Variants in FANCA observed in about 807,000 individuals in gnomAD.
FANCA encodes FA complementation group A, also known as Fanconi anemia group A protein.
A neutral mutation model predicts 194.3 loss-of-function variants in FANCA; 236 were observed. That is an observed-to-expected ratio of 1.21 (90% confidence interval 1.09 to 1.35). The LOEUF (loss-of-function observed/expected upper bound fraction) is 1.35. Ranked by LOEUF, FANCA falls within the 40% of genes most tolerant of loss-of-function variation. FANCA has a pLI of 0.00. For synonymous variants in FANCA, 1,014 were observed against 715.8 expected (o/e 1.42, Z -6.65); for missense variants, 2,628 against 1,813.9 (o/e 1.45, Z -8.15).
intron 10 of FANCA, among the ~76,000 whole-genome samples, chr16:89,796,609 T>C (rs1434504363): frequency 6.6e-6 from 1 of 152,210 alleles, no homozygotes; most frequent in African/African-American, 2.4e-5. Context: ...ACTTGAGGTC[T>C]GTTAGCCTGC....
intron 6 of FANCA, among the ~76,000 whole-genome samples, chr16:89,806,825 C>T (rs952824906): frequency 4.6e-5 from 7 of 152,298 alleles, no homozygotes; most frequent in African/African-American, 7.2e-5. Context: ...TCCATAAAAC[C>T]GCCATTGTCA....
At position 89,740,055 on chromosome 16, in the gene FANCA, G is replaced by A. The variant is rs2062089414; in HGVS notation, c.3873C>T (p.Ile1291=). ...TCTTCCTCTTCTCTAAACACTCGAG[G>A]ATTGCTGCACAAACGTGGAAAGCCT... ...LPKAFHVCAA[I]LECLEKRKIS... The change falls in exon 39 of 43, where the codon ATC becomes ATT. Residue 1291 remains isoleucine, a synonymous_variant. Coordinates refer to ENST00000389301, the MANE Select transcript of FANCA (RefSeq NM_000135.4). 1 of 1,614,176 alleles carries A rather than the reference G, an allele frequency of 6.2e-7. No homozygotes were observed. Among genetic ancestry groups the A allele is most frequent in the Non-Finnish European group, 8.5e-7 (1 of 1,180,042 alleles).
In FANCA at chr16:89,762,139, T is replaced by C. The variant is rs1244702642; in HGVS notation, c.2779-117A>G. ...CGCAGTCCTCCATGTCCCTGTGTTA[T>C]AATGAAATTGCAGCTGAGAGTTCCA... On this transcript the variant is annotated intron_variant, in intron 28 of 42. Transcript: ENST00000389301. 115 of 819,586 alleles carry C rather than the reference T, an allele frequency of 1.4e-4. 2 individuals are homozygous for C. In the South Asian group the frequency reaches 1.5e-3, roughly 10 times the overall value. The allele number at this position is 819,586 out of a possible 1,614,324, so 50.8% of individuals were successfully genotyped here. A position where few individuals can be genotyped will look rare whatever the true frequency, so the allele number is the denominator to read the frequency against.
chr16:89,742,039 C>T (rs527567617), intron 37 of FANCA, among the ~76,000 whole-genome samples: 19 of 152,086 alleles, frequency 1.2e-4, no homozygotes, highest in African/African-American at 3.6e-4. Context: ...GATCTTGGCT[C>T]ACTGCAGCCT....
chr16:89,796,721 G>C (rs1044026576), intron 10 of FANCA, among the ~76,000 whole-genome samples: 1 of 152,130 alleles, frequency 6.6e-6, no homozygotes, highest in Admixed American at 6.5e-5. Flanking sequence ...CGATTCCCCA[G>C]GTAAGAAAAT....
Position 89,769,977 on chromosome 16 carries a change from G to A in FANCA, c.2364C>T (p.Ala788=), listed in dbSNP as rs149754397. 1.5e-4 allele frequency: 235 copies of A among 1,613,914 alleles called. No individual in the cohort carries two copies. In the African/African-American group the frequency reaches 2.1e-3, roughly 14 times the overall value. ...CAGACCTGGACTCACCCAGGTGCAC[G>A]GCCAGGGCAGCCAACCCCAGCACAT... ...APHVLGLAAL[A]VHLGESRSAL... The change falls in exon 26 of 43, where the codon GCC becomes GCT. Residue 788 remains alanine (A), a synonymous_variant. Coordinates refer to ENST00000389301, the MANE Select transcript of FANCA (RefSeq NM_000135.4).
At chr16:89,763,936 C>G (rs562030557) in intron 28 of FANCA, among the ~76,000 whole-genome samples, 6 of 131,098 alleles carry the variant, frequency 4.6e-5, no homozygotes, top group African/African-American at 1.8e-4. Context: ...AAAAACAAAA[C>G]AACAACAACA....
At chr16:89,815,800 A>T in intron 2 of FANCA, 77 bp downstream of exon 2, 1 of 1,180,446 alleles carries the variant, frequency 8.5e-7, no homozygotes, top group Non-Finnish European at 1.3e-6. Context: ...GTGTTTTCTT[A>T]GGAAAGCTGT....
chr16:89,739,230 G>A lies in FANCA; in HGVS notation c.4070C>T (p.Ala1357Val). 6.2e-7 allele frequency: 1 copy of A among 1,614,174 alleles called. No homozygotes were observed. The highest frequency in any genetic ancestry group is 8.5e-7 in the Non-Finnish European group (1 of 1,180,036). ...AIREEAFLHV[A>V]VDMYLKLVQL... ...GACCAGCTTCAAGTACATGTCCACA[G>A]CAACATGCAGGAAGGCCTCTTCCCT... Residue 1357 changes from alanine to valine, a missense_variant, in exon 41 of 43, where the codon GCT becomes GTT. Physicochemically the swap from Ala to Val is moderately conservative, Grantham distance 64 (BLOSUM62 0). Transcript: ENST00000389301.
chr16:89,792,654 C>A (rs926357228), intron 11 of FANCA, 107 bp from the exon 12 acceptor site: 2 of 859,634 alleles, frequency 2.3e-6, no homozygotes, highest in Non-Finnish European at 3.8e-6. Flanking sequence ...CCGTGTGCGG[C>A]GACGAGAGAG....
intron 29 of FANCA, among the ~76,000 whole-genome samples, chr16:89,760,424 G>C (rs2038913208): frequency 6.6e-6 from 1 of 152,202 alleles, no homozygotes; most frequent in Non-Finnish European, 1.5e-5. Flanking sequence ...GCATGTGCCT[G>C]GAAGGCCCCT....
intron 3 of FANCA, among the ~76,000 whole-genome samples, chr16:89,813,806 C>CTGTGTGTGTG (rs71137678): frequency 0.014 from 2,147 of 149,524 alleles, 44 homozygotes; most frequent in African/African-American, 0.041. Flanking sequence ...AAGTCTTTTA[C>CTGTGTGTGTG]TGTGTGTGTG....
chr16:89,799,765 G>A (rs888296816), intron 8 of FANCA, 127 bp from the exon 9 acceptor site: 9 of 773,864 alleles, frequency 1.2e-5, no homozygotes, highest in African/African-American at 8.6e-5. Flanking sequence ...AGGCCGAGGC[G>A]GGCGGATCAC....
chr16:89,808,314 G>C lies in FANCA; in HGVS notation c.576C>G (p.Ser192Arg). The C allele has an allele frequency of 6.2e-7, 1 of 1,614,006 alleles. No homozygotes were observed. The highest frequency in any genetic ancestry group is 8.5e-7 in the Non-Finnish European group (1 of 1,179,966). Residue 192 changes from serine to arginine, a missense_variant, in exon 6 of 43, where the codon AGC (serine) becomes AGG (arginine). Ser to Arg is a moderately radical substitution (Grantham distance 110). Coordinates refer to ENST00000389301, the MANE Select transcript of FANCA (RefSeq NM_000135.4). ...GCTACCTTTCCAGCAGCTCTTGCAG[G>C]CTCACAATGCCTTGTACGTGAAGAT... ...VWHLHVQGIV[S>R]LQELLESHPD...
At chr16:89,801,187 T>C (rs1465987655) in intron 8 of FANCA, among the ~76,000 whole-genome samples, 1 of 149,760 alleles carries the variant, frequency 6.7e-6, no homozygotes, top group African/African-American at 2.5e-5. Context: ...CTACTAAAAA[T>C]AGAAAAACTA....
chr16:89,803,448 G>T, intron 7 of FANCA, 107 bp from the exon 8 acceptor site: 1 of 1,018,362 alleles, frequency 9.8e-7, no homozygotes, highest in Non-Finnish European at 1.6e-6. Context: ...TATGGCTTGG[G>T]CCCACCAGGA....
intron 29 of FANCA, among the ~76,000 whole-genome samples, chr16:89,759,283 G>GCA (rs1380304253): frequency 1.6e-5 from 2 of 123,252 alleles, no homozygotes; most frequent in Non-Finnish European, 3.2e-5. Context: ...TCATGCCACT[G>GCA]CACTCCTGCT....
chr16:89,773,588 C>T (rs1446383702), intron 21 of FANCA, among the ~76,000 whole-genome samples: 4 of 151,918 alleles, frequency 2.6e-5, no homozygotes, highest in Admixed American at 6.6e-5. Context: ...CAATTATAAA[C>T]GAGTTTCATA....
chr16:89,793,535 T>A (rs1010626767), intron 11 of FANCA, among the ~76,000 whole-genome samples: 2 of 152,320 alleles, frequency 1.3e-5, no homozygotes, highest in Admixed American at 1.3e-4. Context: ...GTTTTATATT[T>A]TATTATACTA....
Sources: gnomAD v4.1 joint callset for allele counts (sites outside exome capture counted in the v4.1 genomes callset) on GRCh38, gnomAD v4.1.1 for gene constraint, MANE v1.5 for transcripts, NCBI Gene and HGNC (gene_info 2026-07-23, HGNC 2026-07-21) for gene names.